Variants in RGL1 observed in about 807,000 individuals in gnomAD.
RGL1 encodes the protein ral guanine nucleotide dissociation stimulator like 1.
A neutral mutation model predicts 95.2 loss-of-function variants in RGL1; 24 were observed. The ratio of observed to expected loss-of-function variants is 0.25; its 90% CI spans 0.18 to 0.35. The LOEUF is 0.35. Ranked by LOEUF, RGL1 falls within the 10% of genes least tolerant of loss-of-function variation. The pLI, the probability that RGL1 is intolerant of heterozygous loss-of-function variation, is 1.00. For synonymous variants in RGL1, 329 were observed against 344.9 expected (o/e 0.95, Z 0.51); for missense variants, 715 against 936.3 (o/e 0.76, Z 3.08).
chr1:183,910,999 G>GT (rs1668611220), intron 14 of RGL1, among the ~76,000 whole-genome samples: 1 of 152,186 alleles, frequency 6.6e-6, no homozygotes, highest in African/African-American at 2.4e-5. Flanking sequence ...CCTGCTTTTT[G>GT]TTATGCCTGT....
intron 1 of RGL1, among the ~76,000 whole-genome samples, chr1:183,689,928 T>G (rs1310770719): frequency 6.6e-6 from 1 of 152,150 alleles, no homozygotes; most frequent in Non-Finnish European, 1.5e-5. Flanking sequence ...ACCAGTTAGG[T>G]TTAAGGGCCT....
At chr1:183,714,874 T>C (rs1572321545) in intron 1 of RGL1, among the ~76,000 whole-genome samples, 1 of 152,238 alleles carries the variant, frequency 6.6e-6, no homozygotes, top group East Asian at 1.9e-4. Flanking sequence ...GCTCACAGGG[T>C]GTGAACTGGG....
chr1:183,716,937 A>G (rs1255915978), intron 1 of RGL1, among the ~76,000 whole-genome samples: 1 of 152,198 alleles, frequency 6.6e-6, no homozygotes, highest in Non-Finnish European at 1.5e-5. Flanking sequence ...ATACTGGCAA[A>G]TCAGGGAGCC....
intron 3 of RGL1, among the ~76,000 whole-genome samples, chr1:183,853,211 C>G (rs1311522325): frequency 1.3e-5 from 2 of 152,122 alleles, no homozygotes; most frequent in East Asian, 3.9e-4. Context: ...TGGTGCATGC[C>G]TGTAGCCCTA....
intron 17 of RGL1, among the ~76,000 whole-genome samples, chr1:183,923,582 G>A (rs1244533002): frequency 1.3e-5 from 2 of 152,188 alleles, no homozygotes; most frequent in Non-Finnish European, 2.9e-5. Context: ...TTGCCCACCA[G>A]CTGTGTGGTC....
chr1:183,776,399 C>T (rs1018949294), intron 2 of RGL1, among the ~76,000 whole-genome samples: 2 of 151,886 alleles, frequency 1.3e-5, no homozygotes, highest in Non-Finnish European at 2.9e-5. Context: ...CCGCCCGCCT[C>T]GGCCTCCCAA....
intron 1 of RGL1, among the ~76,000 whole-genome samples, chr1:183,702,288 T>C (rs553949815): frequency 3.1e-4 from 47 of 152,316 alleles, no homozygotes; most frequent in African/African-American, 1.1e-3. Flanking sequence ...GCTTCCAGCC[T>C]TGAATTCACC....
intron 16 of RGL1, among the ~76,000 whole-genome samples, chr1:183,921,435 C>G (rs190086287): frequency 1.3e-3 from 203 of 152,326 alleles, no homozygotes; most frequent in African/African-American, 4.4e-3. Context: ...TTTTCTAATG[C>G]CACAGATTTT....
chr1:183,664,708 T>C lies in RGL1; in HGVS notation c.-33+28207T>C, dbSNP rs186248695. Among the ~76,000 whole-genome samples the C allele has an allele frequency of 2.6e-3, 399 of 152,256 alleles. 1 individual carries two copies. The highest frequency in any genetic ancestry group is 6.8e-3 in the Middle Eastern group (2 of 294). On this transcript the variant is annotated intron_variant, in intron 1 of 18. Transcript: ENST00000304685. Reference sequence around the variant, plus strand: ...TTCAAAAGTGAGACAGTGATAAAGCTAAGGACAAGAAAAAAATGTTAACTT... The same window carrying C: ...TTCAAAAGTGAGACAGTGATAAAGCCAAGGACAAGAAAAAAATGTTAACTT...
Position 183,769,153 on chromosome 1 carries a change from C to A in RGL1, c.132+26864C>A, listed in dbSNP as rs140306508. On this transcript the variant is annotated intron_variant, in intron 2 of 18. Coordinates refer to the RGL1 transcript ENST00000304685. ...AAGCTAGTTGTCATTTCCTTGTTAACAATTTTGTAACCTGTGAATAGCAGT... is the reference window on the plus strand; with the variant it reads ...AAGCTAGTTGTCATTTCCTTGTTAAAAATTTTGTAACCTGTGAATAGCAGT... Among the ~76,000 whole-genome samples the A allele has an allele frequency of 2.7e-3, 416 of 152,298 alleles. 5 individuals are homozygous for A. The highest frequency in any genetic ancestry group is 0.014 in the South Asian group (68 of 4,824).
intron 17 of RGL1, among the ~76,000 whole-genome samples, chr1:183,924,067 C>T (rs554016651): frequency 6.6e-6 from 1 of 152,262 alleles, no homozygotes; most frequent in East Asian, 1.9e-4. Context: ...GGCGATTACT[C>T]AAGGATCTAG....
At chr1:183,865,962 GT>G in intron 3 of RGL1, 33 bp from the exon 4 acceptor site, 1 of 1,514,612 alleles carries the variant, frequency 6.6e-7, no homozygotes, top group South Asian at 1.1e-5. Context: ...ACCACTGACT[GT>G]TTTTGCTTGC....
chr1:183,812,045 C>G (rs1236841822), intron 2 of RGL1, among the ~76,000 whole-genome samples: 6 of 152,162 alleles, frequency 3.9e-5, no homozygotes, highest in Non-Finnish European at 8.8e-5. Context: ...CTTTAGTTTC[C>G]TTTGCCCATG....
At position 183,718,292 on chromosome 1, in the gene RGL1, C is replaced by G. The variant is rs567867935; in HGVS notation, c.-32-23834C>G. Reference sequence around the variant, plus strand: ...TGTTTATGTATATTTTAAATGGATGCTGATGGAGATCAAATTGCTTTGGTA... The same window carrying G: ...TGTTTATGTATATTTTAAATGGATGGTGATGGAGATCAAATTGCTTTGGTA... On this transcript the variant is annotated intron_variant, in intron 1 of 18. Transcript: ENST00000304685. Among the ~76,000 whole-genome samples, 59 of 150,992 alleles carry G rather than the reference C, an allele frequency of 3.9e-4. 1 individual carries two copies. The highest frequency in any genetic ancestry group is 1.4e-3 in the African/African-American group (59 of 41,126).
At chr1:183,788,897 C>T (rs1158982581) in intron 2 of RGL1, among the ~76,000 whole-genome samples, 2 of 152,214 alleles carry the variant, frequency 1.3e-5, no homozygotes, top group African/African-American at 4.8e-5. Context: ...TCTGTCTTCT[C>T]TGCCTAGATT....
chr1:183,827,877 C>T (rs189424925), intron 2 of RGL1, among the ~76,000 whole-genome samples: 2 of 152,298 alleles, frequency 1.3e-5, no homozygotes, highest in Non-Finnish European at 1.5e-5. Context: ...AATGACAAAG[C>T]AGTATGGAGT....
intron 17 of RGL1, among the ~76,000 whole-genome samples, chr1:183,922,590 T>G (rs1669376940): frequency 6.6e-6 from 1 of 152,214 alleles, no homozygotes; most frequent in Non-Finnish European, 1.5e-5. Context: ...TGCCCAGTCT[T>G]TCTGAGCTCT....
intron 16 of RGL1, among the ~76,000 whole-genome samples, chr1:183,919,499 C>T (rs1669189396): frequency 6.6e-6 from 1 of 152,266 alleles, no homozygotes; most frequent in Middle Eastern, 3.4e-3. Flanking sequence ...TCTCATGGAT[C>T]CCCTCACAGA....
intron 2 of RGL1, among the ~76,000 whole-genome samples, chr1:183,777,092 G>T (rs1216870818): frequency 6.6e-6 from 1 of 152,202 alleles, no homozygotes. Context: ...GAGCCAAAGT[G>T]TATCAGTTCT....
Sources: gnomAD v4.1 joint callset for allele counts (sites outside exome capture counted in the v4.1 genomes callset) on GRCh38, gnomAD v4.1.1 for gene constraint, MANE v1.5 for transcripts, NCBI Gene and HGNC (gene_info 2026-07-23, HGNC 2026-07-21) for gene names.